Variants in CNR2 observed in about 807,000 individuals in gnomAD.
CNR2 encodes the protein cannabinoid receptor 2 (macrophage).
For synonymous variants in CNR2, 172 were observed against 182.2 expected (o/e 0.94, Z 0.45); for missense variants, 379 against 439.9 (o/e 0.86, Z 1.24).
At chr1:23,899,929 AAGAGAAAGAAAGGAAAG>A (rs1557532655) in intron 1 of CNR2, among the ~76,000 whole-genome samples, 744 of 7,976 alleles carry the variant, frequency 0.093, 10 homozygotes, top group African/African-American at 0.1. Context: ...AAGAGAAAGA[AAGAGAAAGAAAGGAAAG>A]AGAAAGAAAG....
chr1:23,908,579 C>G (rs1044075297), intron 1 of CNR2, among the ~76,000 whole-genome samples: 3 of 152,174 alleles, frequency 2.0e-5, no homozygotes, highest in African/African-American at 7.2e-5. Context: ...GTGGGAAAAG[C>G]TGGTAGAAAG....
chr1:23,890,368 C>T (rs1640165778), intron 1 of CNR2, among the ~76,000 whole-genome samples: 1 of 152,042 alleles, frequency 6.6e-6, no homozygotes, highest in Non-Finnish European at 1.5e-5. Flanking sequence ...ACAATCCCTA[C>T]TTACTCTCAG....
intron 1 of CNR2, among the ~76,000 whole-genome samples, chr1:23,905,955 C>T (rs1445782636): frequency 6.6e-6 from 1 of 152,164 alleles, no homozygotes; most frequent in Non-Finnish European, 1.5e-5. Context: ...GGGAGCCAAA[C>T]TTGCAAGGTG....
chr1:23,877,559 C>A lies in CNR2; in HGVS notation c.-45-1897G>T, dbSNP rs148704829. ...CTGAGGCAGGAGAATGGCGTGAACC[C>A]GGGAGGCGGAGCTTGCAGTGAGCCG... is the stretch of plus-strand genomic sequence containing the variant. On this transcript the variant is annotated intron_variant, in intron 1 of 1. Coordinates refer to ENST00000374472, the MANE Select transcript of CNR2 (RefSeq NM_001841.3). 7.0e-3 allele frequency among the ~76,000 whole-genome samples: 1,062 copies of A among 151,772 alleles called. 21 individuals are homozygous for A. The highest frequency in any genetic ancestry group is 0.024 in the African/African-American group (997 of 41,378).
chr1:23,906,338 T>A (rs1372427369), intron 1 of CNR2, among the ~76,000 whole-genome samples: 1 of 152,066 alleles, frequency 6.6e-6, no homozygotes, highest in Non-Finnish European at 1.5e-5. Context: ...CACTCAGGAC[T>A]GTTGTGAGGA....
intron 1 of CNR2, among the ~76,000 whole-genome samples, chr1:23,879,108 G>A (rs1329078061): frequency 6.6e-6 from 1 of 152,084 alleles, no homozygotes; most frequent in Non-Finnish European, 1.5e-5. Flanking sequence ...TGATAATAGT[G>A]AGTAATTTAT....
intron 1 of CNR2, among the ~76,000 whole-genome samples, chr1:23,900,664 G>A (rs1334156610): frequency 2.0e-5 from 3 of 151,954 alleles, no homozygotes; most frequent in South Asian, 2.1e-4. Flanking sequence ...GTGCCACCAC[G>A]CCTGGCCAAG....
intron 1 of CNR2, among the ~76,000 whole-genome samples, chr1:23,906,504 TAAC>T (rs1339022490): frequency 8.7e-6 from 1 of 115,248 alleles, no homozygotes; most frequent in African/African-American, 4.1e-5. Context: ...AATTTTTCTC[TAAC>T]TTTTTTTTTT....
At chr1:23,902,962 C>CCG (rs1640427956) in intron 1 of CNR2, among the ~76,000 whole-genome samples, 1 of 151,568 alleles carries the variant, frequency 6.6e-6, no homozygotes, top group Non-Finnish European at 1.5e-5. Flanking sequence ...CTGTGGACCC[C>CCG]CGCCCCGCGC....
At chr1:23,894,280 G>A (rs1640238345) in intron 1 of CNR2, among the ~76,000 whole-genome samples, 1 of 151,760 alleles carries the variant, frequency 6.6e-6, no homozygotes, top group Non-Finnish European at 1.5e-5. Flanking sequence ...AAAAGTAACT[G>A]GGCGTTGTGG....
chr1:23,876,834 C>CAAAAAAA (rs72220399), intron 1 of CNR2, among the ~76,000 whole-genome samples: 1 of 120,260 alleles, frequency 8.3e-6, no homozygotes, highest in Non-Finnish European at 1.7e-5. Context: ...GACTCTGTCT[C>CAAAAAAA]AAAAAAAAAA....
intron 1 of CNR2, chr1:23,902,764 G>C (rs1390041452): frequency 4.0e-6 from 6 of 1,501,534 alleles, no homozygotes; most frequent in Non-Finnish European, 5.3e-6. Flanking sequence ...GGCTCTCCGG[G>C]TGGTTGTTGC....
chr1:23,892,732 G>T (rs1024027696), intron 1 of CNR2, among the ~76,000 whole-genome samples: 11 of 152,178 alleles, frequency 7.2e-5, no homozygotes, highest in Non-Finnish European at 7.3e-5. Flanking sequence ...GAAAGAATGT[G>T]TAGGCTGGGG....
In CNR2 at chr1:23,902,048, C is replaced by T. The variant is rs529098115; in HGVS notation, c.-46+11198G>A. On this transcript the variant is annotated intron_variant, in intron 1 of 1. Coordinates refer to ENST00000374472, the MANE Select transcript of CNR2 (RefSeq NM_001841.3). ...GATGTCTGGATGTCTGACTGGGCAGCGCCGTTGGCAAACTCCTCTAGGGTC... is the reference window on the plus strand; with the variant it reads ...GATGTCTGGATGTCTGACTGGGCAGTGCCGTTGGCAAACTCCTCTAGGGTC... The T allele has an allele frequency of 2.2e-5, 35 of 1,585,170 alleles. No individual in the cohort carries two copies. The Admixed American group carries it at 4.3e-4, about 20-fold the overall frequency.
chr1:23,906,202 C>T (rs1476716863), intron 1 of CNR2, among the ~76,000 whole-genome samples: 1 of 152,060 alleles, frequency 6.6e-6, no homozygotes, highest in Non-Finnish European at 1.5e-5. Flanking sequence ...AGCAGTGGGA[C>T]TCCAGGCCCA....
At chr1:23,877,559 C>G (rs148704829) in intron 1 of CNR2, among the ~76,000 whole-genome samples, 1 of 151,662 alleles carries the variant, frequency 6.6e-6, no homozygotes, top group Non-Finnish European at 1.5e-5. Context: ...GGCGTGAACC[C>G]GGGAGGCGGA....
Position 23,872,460 on chromosome 1 carries a change from T to C in CNR2, c.*2075A>G, listed in dbSNP as rs1388078711. On this transcript the variant is annotated 3_prime_UTR_variant, in exon 2 of 2. Transcript: ENST00000374472. ...TTGAGAATCTACGATGAGTTAACTT[T>C]GCAGCAATCTGATGCTACAGATAGC... 1 of 152,056 alleles carries C rather than the reference T, an allele frequency of 6.6e-6. No homozygotes were observed. The highest frequency in any genetic ancestry group is 1.9e-4 in the East Asian group (1 of 5,192). 9.4% of individuals were successfully genotyped at this position (152,056 alleles called of 1,614,324 possible). A position where few individuals can be genotyped will look rare whatever the true frequency, so the allele number is the denominator to read the frequency against.
intron 1 of CNR2, among the ~76,000 whole-genome samples, chr1:23,890,702 G>A (rs923048788): frequency 2.7e-5 from 4 of 149,610 alleles, no homozygotes; most frequent in East Asian, 2.0e-4. Flanking sequence ...CCGAGATCGC[G>A]CCACTGCACT....
intron 1 of CNR2, among the ~76,000 whole-genome samples, chr1:23,893,179 A>C (rs1481581447): frequency 6.6e-6 from 1 of 151,978 alleles, no homozygotes; most frequent in African/African-American, 2.4e-5. Context: ...CTGTCCACTC[A>C]CCATTCATCA....
Sources: gnomAD v4.1 joint callset for allele counts (sites outside exome capture counted in the v4.1 genomes callset) on GRCh38, gnomAD v4.1.1 for gene constraint, MANE v1.5 for transcripts, NCBI Gene and HGNC (gene_info 2026-07-23, HGNC 2026-07-21) for gene names.